The following ANO3 variants were observed in gnomAD, a reference collection of about 807,000 sequenced individuals.
ANO3 encodes anoctamin 3.
Under a neutral mutation model 144.8 loss-of-function variants are expected in ANO3, and 99 were observed. The observed-to-expected ratio is 0.68, with a 90% CI of 0.58 to 0.81. ANO3 has a LOEUF of 0.81. ANO3 is among the 30% of genes least tolerant of loss of function. ANO3 has a pLI of 0.00. For missense variants in ANO3, 905 were observed against 1,202.2 expected (o/e 0.75, Z 3.66); for synonymous variants, 414 against 392.6 (o/e 1.05, Z -0.64).
At chr11:26,490,949 T>C (rs376270863) in intron 4 of ANO3, among the ~76,000 whole-genome samples, 1 of 152,232 alleles carries the variant, frequency 6.6e-6, no homozygotes, top group East Asian at 1.9e-4. Context: ...CCATGGTGGT[T>C]CTTAATAGTG....
At chr11:26,266,491 T>C (rs1000557472) in intron 1 of ANO3, among the ~76,000 whole-genome samples, 1 of 149,732 alleles carries the variant, frequency 6.7e-6, no homozygotes, top group Non-Finnish European at 1.5e-5. Context: ...TGGAGTGCAG[T>C]GGCGCAATCT....
chr11:26,413,625 C>T, intron 1 of ANO3, among the ~76,000 whole-genome samples: 1 of 151,966 alleles, frequency 6.6e-6, no homozygotes, highest in Non-Finnish European at 1.5e-5. Flanking sequence ...AGGAAGGTTG[C>T]ACACCCAAGG....
chr11:26,586,503 C>CTTTTTTTTTTTTTTTTTATTTTTTT (rs1851285029), intron 14 of ANO3, among the ~76,000 whole-genome samples: 1 of 81,454 alleles, frequency 1.2e-5, no homozygotes, highest in Non-Finnish European at 2.2e-5. Context: ...TGGTGAGAAT[C>CTTTTTTTTTTTTTTTTTATTTTTTT]TTTTTTTTTT....
At chr11:26,657,754 T>C (rs1853737160) in intron 26 of ANO3, among the ~76,000 whole-genome samples, 1 of 152,196 alleles carries the variant, frequency 6.6e-6, no homozygotes, top group Non-Finnish European at 1.5e-5. Context: ...GAAACTTATT[T>C]TGTGCCTTCC....
chr11:26,432,001 G>C (rs1333735665), intron 1 of ANO3, among the ~76,000 whole-genome samples: 1 of 152,142 alleles, frequency 6.6e-6, no homozygotes, highest in Non-Finnish European at 1.5e-5. Context: ...CACAGTGGTT[G>C]AACTAATTTA....
chr11:26,370,960 G>T (rs1394386838), intron 1 of ANO3, among the ~76,000 whole-genome samples: 4 of 152,164 alleles, frequency 2.6e-5, no homozygotes, highest in Non-Finnish European at 5.9e-5. Context: ...CATTTTTGGG[G>T]AGAAATTCAA....
At chr11:26,395,437 TTCTC>T (rs1404025552) in intron 1 of ANO3, among the ~76,000 whole-genome samples, 1 of 152,162 alleles carries the variant, frequency 6.6e-6, no homozygotes, top group African/African-American at 2.4e-5. Flanking sequence ...TTTGTTTGTG[TTCTC>T]TCTTATTTCC....
At chr11:26,637,974 G>A (rs1035270912) in intron 20 of ANO3, among the ~76,000 whole-genome samples, 1 of 152,086 alleles carries the variant, frequency 6.6e-6, no homozygotes, top group African/African-American at 2.4e-5. Context: ...TGTGATTTTT[G>A]TTGAAATCAC....
intron 14 of ANO3, among the ~76,000 whole-genome samples, chr11:26,573,214 A>T (rs981862617): frequency 1.3e-5 from 2 of 152,198 alleles, no homozygotes; most frequent in Admixed American, 1.3e-4. Context: ...GAATGCAAAG[A>T]ATCTGCCCAG....
intron 10 of ANO3, among the ~76,000 whole-genome samples, 191 bp downstream of exon 10, chr11:26,537,652 A>G (rs1040925543): frequency 4.6e-5 from 7 of 152,200 alleles, no homozygotes; most frequent in South Asian, 2.1e-4. Context: ...CCTGTCTTCA[A>G]TTTGCCCCAT....
At chr11:26,563,534 T>C (rs1850388892) in intron 14 of ANO3, among the ~76,000 whole-genome samples, 2 of 151,844 alleles carry the variant, frequency 1.3e-5, no homozygotes, top group South Asian at 2.1e-4. Context: ...CTTAGCTCTA[T>C]AGCCGTGTCT....
chr11:26,595,906 T>C (rs1399171516), intron 14 of ANO3, among the ~76,000 whole-genome samples: 1 of 152,236 alleles, frequency 6.6e-6, no homozygotes, highest in Non-Finnish European at 1.5e-5. Context: ...ATTTTTCTAC[T>C]TTCTTCTGTT....
chr11:26,389,711 T>C (rs1465513973), intron 1 of ANO3, among the ~76,000 whole-genome samples: 1 of 152,118 alleles, frequency 6.6e-6, no homozygotes, highest in Non-Finnish European at 1.5e-5. Flanking sequence ...AAAAGTTGAA[T>C]ATCTCAAGTT....
chr11:26,610,308 ATTTT>A (rs34715952), intron 17 of ANO3, among the ~76,000 whole-genome samples: 1 of 130,298 alleles, frequency 7.7e-6, no homozygotes, highest in Non-Finnish European at 1.6e-5. Flanking sequence ...GATGTTGAGC[ATTTT>A]TTTTTTTTTT....
chr11:26,404,587 G>GT (rs776532342), intron 1 of ANO3, among the ~76,000 whole-genome samples: 3 of 151,796 alleles, frequency 2.0e-5, no homozygotes, highest in Non-Finnish European at 4.4e-5. Context: ...AACAGTGCTA[G>GT]TAGCAGTAAT....
intron 17 of ANO3, among the ~76,000 whole-genome samples, chr11:26,611,646 G>A (rs539721586): frequency 1.8e-4 from 27 of 152,206 alleles, no homozygotes; most frequent in African/African-American, 6.5e-4. Flanking sequence ...TGTAGTTTAA[G>A]TCTAATTTTT....
intron 1 of ANO3, among the ~76,000 whole-genome samples, chr11:26,251,790 G>A (rs144229931): frequency 2.0e-5 from 3 of 152,282 alleles, no homozygotes; most frequent in East Asian, 1.9e-4. Flanking sequence ...GAGAAAGAGC[G>A]AGGAAGTGCC....
chr11:26,342,647 C>G (rs370699693), intron 1 of ANO3, among the ~76,000 whole-genome samples: 39 of 152,226 alleles, frequency 2.6e-4, no homozygotes, highest in Admixed American at 4.6e-4. Context: ...TATAGCTGCA[C>G]AAATAGACTA....
chr11:26,341,263 T>A (rs987525347), intron 1 of ANO3, among the ~76,000 whole-genome samples: 12 of 152,312 alleles, frequency 7.9e-5, no homozygotes, highest in Admixed American at 2.0e-4. Flanking sequence ...TTGATTTATA[T>A]ATAGCGAAAA....
Sources: gnomAD v4.1 joint callset for allele counts (sites outside exome capture counted in the v4.1 genomes callset) on GRCh38, gnomAD v4.1.1 for gene constraint, MANE v1.5 for transcripts, NCBI Gene and HGNC (gene_info 2026-07-23, HGNC 2026-07-21) for gene names.